Variants in AMBRA1 observed in about 807,000 individuals in gnomAD.
AMBRA1 encodes activating molecule in BECN1-regulated autophagy protein 1.
In AMBRA1, 47 loss-of-function variants were observed where a neutral mutation model predicts 125.4. That is an observed-to-expected ratio of 0.37 (90% CI 0.30 to 0.48). The LOEUF (loss-of-function observed/expected upper bound fraction) is 0.48, where lower values mean the gene tolerates loss of function less well. Among genes scored for constraint, AMBRA1 ranks in the 20% least tolerant of loss-of-function variants. AMBRA1 has a pLI of 0.99. For missense variants in AMBRA1, 1,331 were observed against 1,693.4 expected (o/e 0.79, Z 3.76); for synonymous variants, 626 against 655.5 (o/e 0.95, Z 0.69).
chr11:46,422,120 C>G (rs191714193), intron 14 of AMBRA1, among the ~76,000 whole-genome samples: 1 of 152,096 alleles, frequency 6.6e-6, no homozygotes, highest in East Asian at 1.9e-4. Flanking sequence ...TCTATTACAC[C>G]GGACGTATTA....
At chr11:46,476,733 CCA>C (rs1417581375) in intron 11 of AMBRA1, among the ~76,000 whole-genome samples, 3 of 152,200 alleles carry the variant, frequency 2.0e-5, no homozygotes, top group Non-Finnish European at 4.4e-5. Flanking sequence ...AATATTTAGA[CCA>C]AGAAACACTT....
intron 11 of AMBRA1, among the ~76,000 whole-genome samples, chr11:46,484,393 G>C (rs1390885661): frequency 6.6e-6 from 1 of 152,218 alleles, no homozygotes; most frequent in Non-Finnish European, 1.5e-5. Context: ...ATAGATTAGA[G>C]AGAATCTTCA....
intron 17 of AMBRA1, among the ~76,000 whole-genome samples, chr11:46,401,655 G>A (rs1945766408): frequency 6.6e-6 from 1 of 152,208 alleles, no homozygotes; most frequent in African/African-American, 2.4e-5. Flanking sequence ...GGGAGGCCCT[G>A]CTGCTGGCAC....
chr11:46,532,802 C>T (rs1952277973), intron 7 of AMBRA1, among the ~76,000 whole-genome samples: 1 of 152,142 alleles, frequency 6.6e-6, no homozygotes, highest in Non-Finnish European at 1.5e-5. Context: ...ATAAGAAATA[C>T]TTTATATATC....
At chr11:46,547,015 G>A (rs1009002586) in intron 4 of AMBRA1, 98 bp downstream of exon 4, 24 of 1,174,060 alleles carry the variant, frequency 2.0e-5, no homozygotes, top group Admixed American at 1.7e-4. Context: ...AGGTTGCAGC[G>A]AGCCAAGATC....
intron 11 of AMBRA1, among the ~76,000 whole-genome samples, chr11:46,455,210 T>A (rs537613272): frequency 7.2e-5 from 11 of 152,276 alleles, no homozygotes; most frequent in Admixed American, 5.9e-4. Flanking sequence ...TCTTTTTTTT[T>A]AATTGTGCTA....
At chr11:46,418,417 A>G (rs2136651813) in intron 14 of AMBRA1, among the ~76,000 whole-genome samples, 1 of 147,824 alleles carries the variant, frequency 6.8e-6, no homozygotes, top group East Asian at 2.0e-4. Flanking sequence ...TTTTATTATT[A>G]TACTTTAAGT....
intron 17 of AMBRA1, among the ~76,000 whole-genome samples, chr11:46,404,334 A>C (rs1391811203): frequency 6.6e-6 from 1 of 152,190 alleles, no homozygotes; most frequent in African/African-American, 2.4e-5. Flanking sequence ...TGGTTTTGTC[A>C]ATACAAAACC....
At chr11:46,414,313 G>A (rs1399377543) in intron 15 of AMBRA1, among the ~76,000 whole-genome samples, 1 of 152,196 alleles carries the variant, frequency 6.6e-6, no homozygotes, top group East Asian at 1.9e-4. Flanking sequence ...TGGTTTCCGT[G>A]GCAATTTTGG....
intron 7 of AMBRA1, among the ~76,000 whole-genome samples, chr11:46,515,472 CAAAA>C (rs1339695394): frequency 6.9e-6 from 1 of 144,592 alleles, no homozygotes; most frequent in Non-Finnish European, 1.5e-5. Context: ...GACTGCATCT[CAAAA>C]CAAACAAACA....
intron 1 of AMBRA1, among the ~76,000 whole-genome samples, chr11:46,580,710 AATACTTCCTAACC>A (rs1176605216): frequency 6.6e-6 from 1 of 152,174 alleles, no homozygotes; most frequent in Non-Finnish European, 1.5e-5. Context: ...GGACCACTGC[AATACTTCCTAACC>A]ATACTTCCCC....
intron 14 of AMBRA1, among the ~76,000 whole-genome samples, chr11:46,431,345 G>C (rs946152484): frequency 6.6e-6 from 1 of 152,214 alleles, no homozygotes; most frequent in African/African-American, 2.4e-5. Context: ...GCAGCTGCTG[G>C]CTAGCTGCCT....
intron 14 of AMBRA1, among the ~76,000 whole-genome samples, chr11:46,433,231 T>TA (rs1947538614): frequency 6.6e-6 from 1 of 152,222 alleles, no homozygotes. Flanking sequence ...TATCTGAAGA[T>TA]ACTTGCAGGC....
chr11:46,466,685 T>C (rs974866321), intron 11 of AMBRA1, among the ~76,000 whole-genome samples: 1 of 152,108 alleles, frequency 6.6e-6, no homozygotes, highest in African/African-American at 2.4e-5. Flanking sequence ...AGTAAGTAAA[T>C]TACACAGTGG....
chr11:46,500,464 G>C (rs929449284), intron 9 of AMBRA1, among the ~76,000 whole-genome samples: 1 of 152,134 alleles, frequency 6.6e-6, no homozygotes, highest in Non-Finnish European at 1.5e-5. Context: ...TGGTACTTCT[G>C]CATCAGTACA....
intron 14 of AMBRA1, among the ~76,000 whole-genome samples, chr11:46,430,127 A>G (rs1947381391): frequency 1.3e-5 from 2 of 152,216 alleles, no homozygotes; most frequent in Non-Finnish European, 1.5e-5. Context: ...AAAAATTAAA[A>G]TGATTCAACA....
intron 1 of AMBRA1, among the ~76,000 whole-genome samples, chr11:46,555,323 G>C (rs1487419278): frequency 6.6e-6 from 1 of 152,148 alleles, no homozygotes; most frequent in East Asian, 1.9e-4. Flanking sequence ...TGTGCAATCT[G>C]ATTATCTTAT....
At chr11:46,455,380 T>C (rs754722821) in intron 11 of AMBRA1, among the ~76,000 whole-genome samples, 2 of 152,212 alleles carry the variant, frequency 1.3e-5, no homozygotes, top group African/African-American at 2.4e-5. Flanking sequence ...TTCTATGAAT[T>C]TGACTACTTT....
intron 16 of AMBRA1, among the ~76,000 whole-genome samples, 183 bp from the exon 17 acceptor site, chr11:46,408,889 A>G (rs773295019): frequency 7.9e-5 from 12 of 152,232 alleles, no homozygotes; most frequent in Non-Finnish European, 1.6e-4. Context: ...TTCTCCCCCA[A>G]GGTTAGTCTA....
Sources: gnomAD v4.1 joint callset for allele counts (sites outside exome capture counted in the v4.1 genomes callset) on GRCh38, gnomAD v4.1.1 for gene constraint, MANE v1.5 for transcripts, NCBI Gene and HGNC (gene_info 2026-07-23, HGNC 2026-07-21) for gene names.